Variants in C8orf34 observed in about 807,000 individuals in gnomAD.
C8orf34 encodes the protein chromosome 8 open reading frame 34, also known as uncharacterized protein C8orf34.
A neutral mutation model predicts 68.3 loss-of-function variants in C8orf34; 65 were observed. That is an observed-to-expected ratio of 0.95 (90% CI 0.78 to 1.17). The LOEUF (loss-of-function observed/expected upper bound fraction) is 1.17. Among genes scored for constraint, C8orf34 ranks in the 50% most tolerant of loss-of-function variants. The pLI is 0.00. For missense variants in C8orf34, 664 were observed against 655.4 expected (o/e 1.01, Z -0.14); for synonymous variants, 244 against 241.2 (o/e 1.01, Z -0.11).
intron 7 of C8orf34, among the ~76,000 whole-genome samples, chr8:68,604,226 A>T (rs1441653727): frequency 6.6e-6 from 1 of 152,096 alleles, no homozygotes; most frequent in East Asian, 1.9e-4. Flanking sequence ...AATGGAAGAG[A>T]AGAATCAAAG....
intron 9 of C8orf34, among the ~76,000 whole-genome samples, chr8:68,716,574 AC>A (rs1821478868): frequency 6.6e-6 from 1 of 152,050 alleles, no homozygotes; most frequent in Non-Finnish European, 1.5e-5. Context: ...GCAAATTAAG[AC>A]CATGGAGAGA....
Position 68,640,632 on chromosome 8 carries a change from G to C in C8orf34, c.1241+121G>C, listed in dbSNP as rs1818978510. On this transcript the variant is annotated intron_variant, in intron 8 of 13. Coordinates refer to ENST00000518698, the MANE Select transcript of C8orf34 (RefSeq NM_052958.4). ...CATCTTTTCCTTCCAGCGATCTTTTGTGCTAATATTGGCAAGGGAGTTAGT... is the reference window on the plus strand; with the variant it reads ...CATCTTTTCCTTCCAGCGATCTTTTCTGCTAATATTGGCAAGGGAGTTAGT... 8 of 1,018,314 alleles carry C rather than the reference G, an allele frequency of 7.9e-6. No individual in the cohort carries two copies. In the South Asian group the frequency reaches 1.4e-4, roughly 18 times the overall value. 63.1% of individuals were successfully genotyped at this position (1,018,314 alleles called of 1,614,324 possible). A position where few individuals can be genotyped will look rare whatever the true frequency, so the allele number is the denominator to read the frequency against.
chr8:68,605,571 C>T (rs576411033), intron 7 of C8orf34, among the ~76,000 whole-genome samples: 8 of 151,972 alleles, frequency 5.3e-5, no homozygotes, highest in South Asian at 2.1e-4. Flanking sequence ...TGAGAGGCAG[C>T]GAAGAGGAGG....
At chr8:68,642,234 ATTTAGGTG>A (rs1819033347) in intron 8 of C8orf34, among the ~76,000 whole-genome samples, 1 of 152,174 alleles carries the variant, frequency 6.6e-6, no homozygotes, top group Non-Finnish European at 1.5e-5. Flanking sequence ...ATAGAAAGAG[ATTTAGGTG>A]TTTGAAATGA....
rs1181696686 is a variant in C8orf34, at chr8:68,818,420, A to G, written c.*174A>G. ...GGGGTGCCCAAGTATGTAATCAGAG[A>G]ACACTAATCCTGGCAAAGGATTGTG... is the stretch of plus-strand genomic sequence containing the variant. On this transcript the variant is annotated 3_prime_UTR_variant, in exon 14 of 14. Coordinates refer to ENST00000518698, the MANE Select transcript of C8orf34 (RefSeq NM_052958.4). The G allele has an allele frequency of 1.4e-4, 92 of 678,654 alleles. No individual in the cohort carries two copies. Among genetic ancestry groups the G allele is most frequent in the Non-Finnish European group, 5.0e-6 (2 of 399,370 alleles). The allele number at this position is 678,654 out of a possible 1,614,324, so 42.0% of individuals were successfully genotyped here. A position where few individuals can be genotyped will look rare whatever the true frequency, so the allele number is the denominator to read the frequency against.
At chr8:68,509,514 T>C (rs1025548131) in intron 5 of C8orf34, among the ~76,000 whole-genome samples, 8 of 146,530 alleles carry the variant, frequency 5.5e-5, no homozygotes, top group African/African-American at 2.0e-4. Context: ...CTTGGGAAAT[T>C]AACTTCTCCC....
At chr8:68,532,639 T>C (rs1815297366) in intron 6 of C8orf34, among the ~76,000 whole-genome samples, 2 of 152,230 alleles carry the variant, frequency 1.3e-5, no homozygotes, top group African/African-American at 2.4e-5. Flanking sequence ...TTCCTTAACA[T>C]GCATTTGCTT....
In C8orf34 at chr8:68,743,148, G is replaced by T. The variant is rs954883080; in HGVS notation, c.1404+21711G>T. 2.0e-4 allele frequency among the ~76,000 whole-genome samples: 30 copies of T among 152,168 alleles called. 1 individual carries two copies. Among genetic ancestry groups the T allele is most frequent in the African/African-American group, 6.8e-4 (28 of 41,434 alleles). ...AATAATCTGGTGGTGACTTGAGGTAGTTAAATTTGAGTGGAGAACAATTCG... is the reference window on the plus strand; with the variant it reads ...AATAATCTGGTGGTGACTTGAGGTATTTAAATTTGAGTGGAGAACAATTCG... On this transcript the variant is annotated intron_variant, in intron 10 of 13. Coordinates refer to ENST00000518698, the MANE Select transcript of C8orf34 (RefSeq NM_052958.4).
chr8:68,424,817 G>T (rs1443130959), intron 1 of C8orf34, among the ~76,000 whole-genome samples: 2 of 152,036 alleles, frequency 1.3e-5, no homozygotes, highest in African/African-American at 4.8e-5. Flanking sequence ...GTAGAATGGT[G>T]TGAACCTGGG....
chr8:68,396,947 C>G (rs992911551), intron 1 of C8orf34, among the ~76,000 whole-genome samples: 1 of 151,874 alleles, frequency 6.6e-6, no homozygotes, highest in Non-Finnish European at 1.5e-5. Flanking sequence ...TCCTTTATAG[C>G]AACACAAATG....
intron 8 of C8orf34, among the ~76,000 whole-genome samples, chr8:68,701,828 C>T (rs200246578): frequency 2.0e-4 from 30 of 152,110 alleles, no homozygotes; most frequent in Non-Finnish European, 3.5e-4. Flanking sequence ...TCCCCTCATT[C>T]AAGCCACTCC....
At chr8:68,349,171 G>T (rs576444340) in intron 1 of C8orf34, among the ~76,000 whole-genome samples, 3 of 152,168 alleles carry the variant, frequency 2.0e-5, no homozygotes, top group Admixed American at 6.5e-5. Flanking sequence ...TTTACTGGGA[G>T]TTTTTAACAG....
chr8:68,668,109 A>G (rs1054602179), intron 8 of C8orf34, among the ~76,000 whole-genome samples: 1 of 152,142 alleles, frequency 6.6e-6, no homozygotes, highest in African/African-American at 2.4e-5. Context: ...TTTTGAAAGT[A>G]TAAATTTATA....
At chr8:68,608,274 G>A (rs1817914225) in intron 7 of C8orf34, among the ~76,000 whole-genome samples, 3 of 152,092 alleles carry the variant, frequency 2.0e-5, no homozygotes, top group Admixed American at 1.3e-4. Flanking sequence ...CTAGAGCTAT[G>A]TAGAGATGAA....
intron 12 of C8orf34, among the ~76,000 whole-genome samples, chr8:68,788,321 T>C (rs1823900554): frequency 6.6e-6 from 1 of 152,198 alleles, no homozygotes; most frequent in Non-Finnish European, 1.5e-5. Flanking sequence ...ATCATGAATC[T>C]GGAGAATCCA....
intron 1 of C8orf34, among the ~76,000 whole-genome samples, chr8:68,353,158 C>T (rs1806586812): frequency 6.6e-6 from 1 of 152,046 alleles, no homozygotes; most frequent in African/African-American, 2.4e-5. Flanking sequence ...ACTGAATCCA[C>T]ACCTGCTGAG....
At chr8:68,699,666 G>T (rs1410333152) in intron 8 of C8orf34, among the ~76,000 whole-genome samples, 1 of 152,076 alleles carries the variant, frequency 6.6e-6, no homozygotes, top group Non-Finnish European at 1.5e-5. Context: ...CATTTGAGTT[G>T]AGGTAAAGCA....
In C8orf34 at chr8:68,795,343, T is replaced by A. The variant is rs546448030; in HGVS notation, c.1549+7807T>A. 1.4e-4 allele frequency among the ~76,000 whole-genome samples: 21 copies of A among 151,316 alleles called. No individual in the cohort carries two copies. In the South Asian group the frequency reaches 4.4e-3, roughly 32 times the overall value. ...TGACTGCTTTTTTTTTTTTTTTTCC[T>A]ATTTATGGGCCACAATTTCTTGTTT... On this transcript the variant is annotated intron_variant, in intron 12 of 13. Coordinates refer to ENST00000518698, the MANE Select transcript of C8orf34 (RefSeq NM_052958.4).
intron 1 of C8orf34, among the ~76,000 whole-genome samples, chr8:68,371,815 G>T (rs1238383509): frequency 6.6e-6 from 1 of 151,924 alleles, no homozygotes; most frequent in African/African-American, 2.4e-5. Flanking sequence ...GGTCAGGCTG[G>T]TCTCGAACTC....
Sources: gnomAD v4.1 joint callset for allele counts (sites outside exome capture counted in the v4.1 genomes callset) on GRCh38, gnomAD v4.1.1 for gene constraint, MANE v1.5 for transcripts, NCBI Gene and HGNC (gene_info 2026-07-23, HGNC 2026-07-21) for gene names.